NFATC2: variants seen among roughly 807,000 people sequenced by gnomAD.
The protein encoded by NFATC2 is nuclear factor of activated T cells 2, also known as nuclear factor of activated T-cells, cytoplasmic 2.
NFATC2 carries 22 observed loss-of-function variants against 87.3 expected under a neutral mutation model. The ratio of observed to expected loss-of-function variants is 0.25; its 90% confidence interval spans 0.18 to 0.36. NFATC2 has a LOEUF of 0.36. NFATC2 is among the 10% of genes least tolerant of loss of function. NFATC2 has a pLI of 1.00. For missense variants in NFATC2, 1,149 were observed against 1,259.1 expected (o/e 0.91, Z 1.32); for synonymous variants, 565 against 542.2 (o/e 1.04, Z -0.58).
At chr20:51,443,502 G>A (rs1022651113) in intron 6 of NFATC2, among the ~76,000 whole-genome samples, 9 of 152,152 alleles carry the variant, frequency 5.9e-5, no homozygotes, top group Non-Finnish European at 1.3e-4. Context: ...CCCTTATTAC[G>A]GGATCCTTTG....
At chr20:51,500,969 T>G (rs1186310481) in intron 3 of NFATC2, among the ~76,000 whole-genome samples, 1 of 148,032 alleles carries the variant, frequency 6.8e-6, no homozygotes, top group Non-Finnish European at 1.5e-5. Context: ...TTTCTTGCTA[T>G]CAGAGTTCAA....
chr20:51,549,913 CA>C (rs2076918999), intron 1 of NFATC2, among the ~76,000 whole-genome samples: 1 of 152,194 alleles, frequency 6.6e-6, no homozygotes. Context: ...ACTTTTTGAA[CA>C]AGAGGCGATG....
At chr20:51,493,230 A>G (rs1450102941) in intron 3 of NFATC2, among the ~76,000 whole-genome samples, 1 of 152,204 alleles carries the variant, frequency 6.6e-6, no homozygotes, top group African/African-American at 2.4e-5. Context: ...TGTCACATAG[A>G]AAAAAGCACT....
intron 1 of NFATC2, among the ~76,000 whole-genome samples, chr20:51,529,795 G>A (rs985422575): frequency 6.6e-6 from 1 of 151,864 alleles, no homozygotes; most frequent in Non-Finnish European, 1.5e-5. Context: ...CACTACTGCA[G>A]ATGGAAAATC....
intron 9 of NFATC2, among the ~76,000 whole-genome samples, chr20:51,403,067 TCTCCCGAAGCCC>T (rs1456657110): frequency 6.6e-6 from 1 of 151,908 alleles, no homozygotes; most frequent in Non-Finnish European, 1.5e-5. Context: ...ACATCCACAT[TCTCCCGAAGCCC>T]AACTCAAGCG....
chr20:51,521,859 TAGAG>T (rs1415041378), intron 2 of NFATC2, among the ~76,000 whole-genome samples: 1 of 152,266 alleles, frequency 6.6e-6, no homozygotes, highest in African/African-American at 2.4e-5. Context: ...ATAACATACA[TAGAG>T]AGTGCAATTC....
intron 9 of NFATC2, among the ~76,000 whole-genome samples, chr20:51,401,420 G>A (rs1988031935): frequency 6.6e-6 from 1 of 152,044 alleles, no homozygotes; most frequent in Non-Finnish European, 1.5e-5. Flanking sequence ...TAAAGAAGAT[G>A]GAAGAGAAAG....
intron 6 of NFATC2, among the ~76,000 whole-genome samples, chr20:51,454,120 G>A (rs942098338): frequency 6.6e-6 from 1 of 152,126 alleles, no homozygotes; most frequent in Non-Finnish European, 1.5e-5. Context: ...AATTTTAACG[G>A]ATAGGTAATA....
chr20:51,412,676 G>A (rs952724116), intron 9 of NFATC2, among the ~76,000 whole-genome samples: 18 of 152,170 alleles, frequency 1.2e-4, no homozygotes, highest in Non-Finnish European at 1.8e-4. Flanking sequence ...TCACATGCCC[G>A]ATTCCTGGGC....
intron 9 of NFATC2, among the ~76,000 whole-genome samples, chr20:51,406,228 G>GTAGA (rs1463068792): frequency 6.6e-6 from 1 of 152,230 alleles, no homozygotes; most frequent in African/African-American, 2.4e-5. Context: ...CAGGCTACTT[G>GTAGA]TAGATAGAAA....
chr20:51,487,313 C>A (rs915805919), intron 3 of NFATC2, among the ~76,000 whole-genome samples: 9 of 152,166 alleles, frequency 5.9e-5, no homozygotes, highest in African/African-American at 2.2e-4. Flanking sequence ...CGCTTCAGAA[C>A]ACATTGATAA....
intron 10 of NFATC2, among the ~76,000 whole-genome samples, chr20:51,395,895 C>T (rs1335843703): frequency 6.6e-6 from 1 of 151,742 alleles, no homozygotes; most frequent in Non-Finnish European, 1.5e-5. Context: ...GGCTCTTTCT[C>T]ACTAAGCACT....
chr20:51,514,038 T>C (rs1395627562), intron 3 of NFATC2, among the ~76,000 whole-genome samples: 3 of 152,236 alleles, frequency 2.0e-5, no homozygotes, highest in African/African-American at 4.8e-5. Context: ...ACCTGTTACC[T>C]GCATCATAAG....
chr20:51,523,365 A>G lies in NFATC2; in HGVS notation c.876T>C (p.Ala292=), dbSNP rs376987580. ...CAGAGCCAGCCACAGGGGGGTACCC[A>G]GCCGGGGAGCCGTGGTCCTGGGGTG... ...HVAPQDHGSP[A]GYPPVAGSAV... Residue 292 remains alanine (A), a synonymous_variant, in exon 2 of 11, where the codon GCT becomes GCC. Transcript: ENST00000371564. The surrounding 1 kb of genome is among the most constrained non-coding windows in gnomAD (Gnocchi z 6.9). 174 of 1,611,004 alleles carry G rather than the reference A, an allele frequency of 1.1e-4. No individual in the cohort carries two copies. The highest frequency in any genetic ancestry group is 1.4e-4 in the Non-Finnish European group (168 of 1,178,556).
intron 9 of NFATC2, among the ~76,000 whole-genome samples, chr20:51,419,528 A>G (rs1980559774): frequency 6.6e-6 from 1 of 152,198 alleles, no homozygotes; most frequent in Admixed American, 6.5e-5. Context: ...GGTTCCTGGT[A>G]TGATGGGGCC....
intron 9 of NFATC2, among the ~76,000 whole-genome samples, chr20:51,424,080 C>T (rs1330741648): frequency 1.3e-5 from 2 of 152,092 alleles, no homozygotes; most frequent in African/African-American, 2.4e-5. Context: ...ACGAGAGATG[C>T]CCCAGGGACA....
chr20:51,552,215 T>A (rs1171803298), intron 1 of NFATC2, among the ~76,000 whole-genome samples: 1 of 152,176 alleles, frequency 6.6e-6, no homozygotes, highest in Admixed American at 6.5e-5. Flanking sequence ...AGGCTGACGC[T>A]GCAGTGAGCC....
chr20:51,457,984 C>A, intron 5 of NFATC2, among the ~76,000 whole-genome samples: 1 of 151,166 alleles, frequency 6.6e-6, no homozygotes, highest in East Asian at 2.0e-4. Context: ...CTCCTGGGCT[C>A]AAGTGATCCT....
rs1393041825 is a variant in NFATC2, at chr20:51,432,572, G to T, written c.2217C>A (p.Asp739Glu). ...CTGGGTTCTGTTGCTGGTAGCGGGC[G>T]TCAGGGGATGAGAGCCCCGTGCGGA... ...QQFRTGLSSP[D>E]ARYQQQNPAA... Residue 739 changes from aspartate (D) to glutamate (E), a missense_variant, in exon 9 of 11, where the codon GAC becomes GAA. Asp to Glu is a conservative substitution (Grantham distance 45, BLOSUM62 2). Transcript: ENST00000371564. This position sits in a 1 kb window ranked among gnomAD's most constrained non-coding sequence, Gnocchi z 4.6. 2.0e-6 allele frequency: 3 copies of T among 1,534,834 alleles called. No homozygotes were observed. The highest frequency in any genetic ancestry group is 2.6e-6 in the Non-Finnish European group (3 of 1,141,812).
Sources: gnomAD v4.1 joint callset for allele counts (sites outside exome capture counted in the v4.1 genomes callset) on GRCh38, gnomAD v4.1.1 for gene constraint, Gnocchi (gnomAD v3.1) non-coding constraint, MANE v1.5 for transcripts, NCBI Gene and HGNC (gene_info 2026-07-23, HGNC 2026-07-21) for gene names.